The following PREX2 variants were observed in gnomAD, a reference collection of about 807,000 sequenced individuals.
PREX2 encodes phosphatidylinositol 3,4,5-trisphosphate-dependent Rac exchanger 2 protein.
PREX2 carries 107 observed loss-of-function variants against 203.2 expected under a neutral mutation model. The ratio of observed to expected loss-of-function variants is 0.53; its 90% CI spans 0.45 to 0.62. PREX2 has a LOEUF of 0.62. PREX2 is among the 20% of genes least tolerant of loss of function. PREX2 has a pLI of 0.00. For synonymous variants in PREX2, 672 were observed against 663.6 expected, an observed-to-expected ratio of 1.01 and a Z score of -0.19; for missense variants, 1,777 against 1,955.9, an observed-to-expected ratio of 0.91 and a Z score of 1.72.
At chr8:68,216,453 A>G (rs1812839639) in intron 37 of PREX2, among the ~76,000 whole-genome samples, 1 of 152,250 alleles carries the variant, frequency 6.6e-6, no homozygotes, top group Non-Finnish European at 1.5e-5. Flanking sequence ...AAAAAACAAA[A>G]CAAAATCCAT....
At chr8:68,168,362 A>C (rs1585841286) in intron 35 of PREX2, among the ~76,000 whole-genome samples, 1 of 152,312 alleles carries the variant, frequency 6.6e-6, no homozygotes, top group South Asian at 2.1e-4. Flanking sequence ...CTCATATCAA[A>C]CAGACAGCTG....
At chr8:68,168,143 A>G (rs1811800355) in intron 35 of PREX2, among the ~76,000 whole-genome samples, 2 of 152,194 alleles carry the variant, frequency 1.3e-5, no homozygotes, top group Non-Finnish European at 1.5e-5. Flanking sequence ...TCATCTTTTT[A>G]TTCTAGTATA....
intron 34 of PREX2, 146 bp from the exon 35 acceptor site, chr8:68,157,176 A>G: frequency 2.2e-6 from 1 of 448,844 alleles, no homozygotes; most frequent in Non-Finnish European, 4.0e-6. Context: ...GTTTTCATTC[A>G]TTTTTGGACC....
At chr8:67,964,629 T>G (rs1805717347) in intron 1 of PREX2, among the ~76,000 whole-genome samples, 1 of 151,290 alleles carries the variant, frequency 6.6e-6, no homozygotes, top group Admixed American at 6.6e-5. Context: ...GTTGTTTTTG[T>G]TTTTTTTTCC....
intron 31 of PREX2, among the ~76,000 whole-genome samples, chr8:68,129,942 G>C (rs897461982): frequency 3.3e-5 from 5 of 150,762 alleles, no homozygotes; most frequent in Non-Finnish European, 7.4e-5. Flanking sequence ...GTAGCTGAAA[G>C]CAGATGTGAT....
At chr8:68,156,394 C>T (rs376912136) in intron 34 of PREX2, among the ~76,000 whole-genome samples, 138 of 152,290 alleles carry the variant, frequency 9.1e-4, no homozygotes, top group African/African-American at 3.0e-3. Context: ...AGTTCTGCCT[C>T]TCATACATAT....
At position 68,038,158 on chromosome 8, in the gene PREX2, G is replaced by A. The variant is rs141768203; in HGVS notation, c.706-1G>A. ...CATTAATTGCATTTCTCCTGACTTA[G>A]GGGTCCAACATCACTGACACCTGCA... On this transcript the variant is annotated splice_acceptor_variant, in intron 6 of 39. Coordinates refer to ENST00000288368, the MANE Select transcript of PREX2 (RefSeq NM_024870.4). LOFTEE classifies it high-confidence loss of function. 4 of 1,612,792 alleles carry A rather than the reference G, an allele frequency of 2.5e-6. No individual in the cohort carries two copies. Among genetic ancestry groups the A allele is most frequent in the Non-Finnish European group, 3.4e-6 (4 of 1,179,324 alleles).
intron 35 of PREX2, among the ~76,000 whole-genome samples, chr8:68,160,325 T>G (rs1354419743): frequency 2.0e-4 from 31 of 152,158 alleles, no homozygotes; most frequent in Non-Finnish European, 2.2e-4. Flanking sequence ...GCAAATGACT[T>G]AAAATCATCA....
chr8:68,090,987 A>T (rs1245690051), intron 20 of PREX2, among the ~76,000 whole-genome samples: 1 of 152,206 alleles, frequency 6.6e-6, no homozygotes, highest in Non-Finnish European at 1.5e-5. Context: ...AGTTCTATCA[A>T]ATTGAAATCC....
chr8:67,996,206 T>C (rs555164844), intron 1 of PREX2, among the ~76,000 whole-genome samples: 1 of 152,154 alleles, frequency 6.6e-6, no homozygotes, highest in Non-Finnish European at 1.5e-5. Flanking sequence ...TTTTTATTTA[T>C]TTTTTTGGAG....
At chr8:68,203,105 C>G (rs1162290372) in intron 37 of PREX2, among the ~76,000 whole-genome samples, 1 of 152,154 alleles carries the variant, frequency 6.6e-6, no homozygotes, top group Non-Finnish European at 1.5e-5. Context: ...CCTGGGACAG[C>G]TCAATCATTC....
intron 1 of PREX2, among the ~76,000 whole-genome samples, chr8:67,974,664 G>A (rs1366004913): frequency 2.0e-5 from 3 of 152,096 alleles, no homozygotes; most frequent in Non-Finnish European, 4.4e-5. Context: ...TGCAAATTCT[G>A]AGAATTTATT....
chr8:68,145,352 G>T (rs1265445558), intron 33 of PREX2, among the ~76,000 whole-genome samples: 1 of 152,104 alleles, frequency 6.6e-6, no homozygotes, highest in Non-Finnish European at 1.5e-5. Flanking sequence ...AAGGAGCCTG[G>T]AATCTGTGAT....
At position 68,072,423 on chromosome 8, in the gene PREX2, T is replaced by C. The variant is rs573921597; in HGVS notation, c.1494-72T>C. Reference sequence around the variant, plus strand: ...GCATATTGATACTAAATGAAAATATTTTCTTGTGCTTACCTACCCTCTTGC... The same window carrying C: ...GCATATTGATACTAAATGAAAATATCTTCTTGTGCTTACCTACCCTCTTGC... On this transcript the variant is annotated intron_variant, in intron 13 of 39. Transcript: ENST00000288368. 8 of 794,842 alleles carry C rather than the reference T, an allele frequency of 1.0e-5. No homozygotes were observed. In the African/African-American group the frequency reaches 1.2e-4, roughly 12 times the overall value. The allele number at this position is 794,842 out of a possible 1,614,324, so 49.2% of individuals were successfully genotyped here. A position where few individuals can be genotyped will look rare whatever the true frequency, so the allele number is the denominator to read the frequency against.
chr8:68,106,062 G>T (rs2129612743), intron 23 of PREX2: 1 of 225,834 alleles, frequency 4.4e-6, no homozygotes, highest in Non-Finnish European at 8.8e-6. Context: ...ACTCCAGGAG[G>T]GCAAGGGCTA....
At chr8:67,987,833 A>T (rs1356952113) in intron 1 of PREX2, among the ~76,000 whole-genome samples, 5 of 152,012 alleles carry the variant, frequency 3.3e-5, no homozygotes, top group African/African-American at 1.2e-4. Flanking sequence ...CCATTTCTAG[A>T]CTTTCACTTG....
At chr8:68,177,088 A>G (rs189611334) in intron 35 of PREX2, 2 of 153,014 alleles carry the variant, frequency 1.3e-5, no homozygotes, top group African/African-American at 4.8e-5. Flanking sequence ...CAAAAGGCCT[A>G]CAAGTACCTC....
intron 8 of PREX2, among the ~76,000 whole-genome samples, chr8:68,050,046 G>A (rs1808478467): frequency 6.6e-6 from 1 of 151,204 alleles, no homozygotes; most frequent in Non-Finnish European, 1.5e-5. Context: ...TTGTATATGT[G>A]TGTTTATGTA....
intron 1 of PREX2, among the ~76,000 whole-genome samples, chr8:68,011,074 A>G (rs1807242954): frequency 6.6e-6 from 1 of 152,222 alleles, no homozygotes; most frequent in South Asian, 2.1e-4. Flanking sequence ...CTAGCTGTAT[A>G]CATGCCTGCC....
Sources: gnomAD v4.1 joint callset for allele counts (sites outside exome capture counted in the v4.1 genomes callset) on GRCh38, gnomAD v4.1.1 for gene constraint, MANE v1.5 for transcripts, NCBI Gene and HGNC (gene_info 2026-07-23, HGNC 2026-07-21) for gene names.